GLI3: variants seen among roughly 807,000 people sequenced by gnomAD.
GLI3 encodes GLI family zinc finger 3.
A neutral mutation model predicts 100.8 loss-of-function variants in GLI3; 20 were observed. The observed-to-expected ratio is 0.20, with a 90% CI of 0.14 to 0.29. GLI3 has a LOEUF of 0.29. Ranked by LOEUF, GLI3 falls within the 10% of genes least tolerant of loss-of-function variation. GLI3 has a pLI of 1.00. For synonymous variants in GLI3, 938 were observed against 860.5 expected (o/e 1.09, Z -1.58); for missense variants, 2,040 against 2,128.5 (o/e 0.96, Z 0.82).
At chr7:42,004,976 G>T (rs1180159208) in intron 10 of GLI3, among the ~76,000 whole-genome samples, 2 of 152,058 alleles carry the variant, frequency 1.3e-5, no homozygotes, top group Non-Finnish European at 2.9e-5. Flanking sequence ...ACACAAAGAG[G>T]TTTATTATTT....
At chr7:42,185,145 C>G (rs965539998) in intron 2 of GLI3, among the ~76,000 whole-genome samples, 1 of 152,164 alleles carries the variant, frequency 6.6e-6, no homozygotes, top group African/African-American at 2.4e-5. Context: ...TACTGGGTCC[C>G]CTCCTCTACC....
rs561272539 is a variant in GLI3 at position 42,164,455 on chromosome 7, G to T, written c.125-15987C>A. Among the ~76,000 whole-genome samples the T allele has an allele frequency of 2.6e-5, 4 of 152,238 alleles. No homozygotes were observed. In the East Asian group the frequency reaches 7.7e-4, roughly 29 times the overall value. On this transcript the variant is annotated intron_variant, in intron 2 of 14. Transcript: ENST00000395925. ...AGCTCCTTGAGCCTAAGAGGCAGAG[G>T]TTGCAGTAAGCCAAGATCATGCCAC...
At chr7:42,224,241 T>C (rs1788543610) in intron 1 of GLI3, among the ~76,000 whole-genome samples, 1 of 152,246 alleles carries the variant, frequency 6.6e-6, no homozygotes, top group Admixed American at 6.5e-5. Context: ...GCAACATTCA[T>C]GGAAAGCATT....
chr7:42,050,917 C>G (rs1334237024), intron 4 of GLI3, among the ~76,000 whole-genome samples: 3 of 152,124 alleles, frequency 2.0e-5, no homozygotes, highest in African/African-American at 7.2e-5. Flanking sequence ...TAGAAAAACA[C>G]AAAAATTATA....
intron 2 of GLI3, among the ~76,000 whole-genome samples, chr7:42,187,901 G>A (rs777821054): frequency 6.6e-6 from 1 of 150,834 alleles, no homozygotes; most frequent in Non-Finnish European, 1.5e-5. Context: ...TACTCAGGAA[G>A]CTGAGGCAGG....
chr7:42,198,312 G>A (rs1787970913), intron 2 of GLI3, among the ~76,000 whole-genome samples: 1 of 152,210 alleles, frequency 6.6e-6, no homozygotes. Flanking sequence ...AATGTGACGG[G>A]AAGCCCTGGG....
rs149718150 is a variant in GLI3 at position 42,248,604 on chromosome 7, G to A, written c.-43+15390C>T. ...TTTCCCCTCTGCTGAGTTCTTCCTT[G>A]GCAGTCCCCCACAAGTTAAACAGGT... On this transcript the variant is annotated intron_variant, in intron 1 of 2. Coordinates refer to the GLI3 transcript ENST00000678978. 6.6e-3 allele frequency among the ~76,000 whole-genome samples: 1,000 copies of A among 152,162 alleles called. 7 individuals are homozygous for A. Among genetic ancestry groups the A allele is most frequent in the South Asian group, 0.023 (111 of 4,816 alleles).
chr7:42,236,970 C>A lies in GLI3; in HGVS notation c.-43+1G>T, dbSNP rs1437164368. On this transcript the variant is annotated splice_donor_variant, in intron 1 of 14. Coordinates refer to ENST00000395925, the MANE Select transcript of GLI3 (RefSeq NM_000168.6). LOFTEE classifies it low-confidence loss of function (5UTR_SPLICE). Reference sequence around the variant, plus strand: ...AACAAAGAACTTCGAGCGGGACGTACCTGCGGCGGCAGCGGCTGTCAAGTC... The same window carrying A: ...AACAAAGAACTTCGAGCGGGACGTAACTGCGGCGGCAGCGGCTGTCAAGTC... 1 of 151,860 alleles carries A rather than the reference C, an allele frequency of 6.6e-6. No individual in the cohort carries two copies. Among genetic ancestry groups the A allele is most frequent in the African/African-American group, 2.4e-5 (1 of 41,412 alleles). 9.4% of individuals were successfully genotyped at this position (151,860 alleles called of 1,614,324 possible).
chr7:42,181,241 T>G (rs1021363457), intron 2 of GLI3, among the ~76,000 whole-genome samples: 2 of 152,186 alleles, frequency 1.3e-5, no homozygotes, highest in Non-Finnish European at 2.9e-5. Flanking sequence ...TATTACTGCC[T>G]AACAAATGGA....
At chr7:42,235,182 G>T (rs1006846105) in intron 1 of GLI3, among the ~76,000 whole-genome samples, 1 of 152,178 alleles carries the variant, frequency 6.6e-6, no homozygotes, top group Non-Finnish European at 1.5e-5. Flanking sequence ...GAAACTGTCA[G>T]ACTACTATTA....
chr7:42,223,335 G>GT (rs1788524650), intron 1 of GLI3, 40 bp from the exon 2 acceptor site: 121 of 932,240 alleles, frequency 1.3e-4, no homozygotes, highest in East Asian at 3.2e-4. Flanking sequence ...CCAAAATGGT[G>GT]GAAAAAAAAA....
intron 4 of GLI3, among the ~76,000 whole-genome samples, chr7:42,053,829 A>G (rs1784399615): frequency 6.6e-6 from 1 of 152,228 alleles, no homozygotes; most frequent in Non-Finnish European, 1.5e-5. Context: ...TGTTGCAGCA[A>G]AAGAGTATAG....
chr7:42,238,100 C>T (rs1400484508), upstream of GLI3, among the ~76,000 whole-genome samples: 1 of 151,382 alleles, frequency 6.6e-6, no homozygotes, highest in African/African-American at 2.4e-5. Flanking sequence ...TCCTCTTCCC[C>T]CTACTTGACC....
At chr7:42,147,444 G>C (rs1418630159) in intron 3 of GLI3, among the ~76,000 whole-genome samples, 4 of 152,194 alleles carry the variant, frequency 2.6e-5, no homozygotes, top group African/African-American at 9.7e-5. Context: ...TCCTGGCAAG[G>C]TGATAAATCT....
intron 2 of GLI3, among the ~76,000 whole-genome samples, chr7:42,181,254 G>T (rs1258792759): frequency 6.6e-6 from 1 of 152,108 alleles, no homozygotes; most frequent in Admixed American, 6.5e-5. Context: ...CAAATGGAAG[G>T]TCCAGATACA....
In GLI3 at chr7:41,965,755, T is replaced by G. The variant is rs148780793; in HGVS notation, c.3318A>C (p.Ala1106=). The G allele has an allele frequency of 1.9e-5, 31 of 1,613,258 alleles. No homozygotes were observed. In the African/African-American group the frequency reaches 4.0e-4, roughly 21 times the overall value. Residue 1106 remains alanine (A), a synonymous_variant, in exon 15 of 15, where the codon GCA becomes GCC. Coordinates refer to ENST00000395925, the MANE Select transcript of GLI3 (RefSeq NM_000168.6). The part of the protein sequence containing the change: ...VVQYLNSQNQ[A]GYEQHFPSAL... ...CGCTGGGGAAGTGCTGCTCGTACCC[T>G]GCTTGGTTCTGGGAATTTAAATACT... is the stretch of plus-strand genomic sequence containing the variant.
chr7:41,975,869 A>C (rs1008857039), intron 12 of GLI3, among the ~76,000 whole-genome samples: 3 of 152,234 alleles, frequency 2.0e-5, no homozygotes, highest in African/African-American at 7.2e-5. Context: ...TTTCTAGTCA[A>C]AATTACACTT....
Position 41,965,233 on chromosome 7 carries a change from C to T in GLI3, c.3840G>A (p.Lys1280=). Residue 1280 remains lysine (K), a synonymous_variant, in exon 15 of 15, where the codon AAG becomes AAA. Transcript: ENST00000395925. ...GACGAGIQAS[K]LKSTPMQGSG... is the part of the protein sequence containing the mutation. The stretch of plus-strand genomic sequence containing the variant: ...TCCCTTGCATGGGGGTGCTCTTCAG[C>T]TTTGAGGCTTGAATCCCGGCACCAC... 6.2e-7 allele frequency: 1 copy of T among 1,613,896 alleles called. No individual in the cohort carries two copies. Among genetic ancestry groups the T allele is most frequent in the South Asian group, 1.1e-5 (1 of 91,072 alleles).
At chr7:41,977,491 C>T in intron 12 of GLI3, 67 bp downstream of exon 12, 1 of 1,520,216 alleles carries the variant, frequency 6.6e-7, no homozygotes. Flanking sequence ...TGCGCCTTCC[C>T]ATGTGCCTTC....
Sources: gnomAD v4.1 joint callset for allele counts (sites outside exome capture counted in the v4.1 genomes callset) on GRCh38, gnomAD v4.1.1 for gene constraint, MANE v1.5 for transcripts, NCBI Gene and HGNC (gene_info 2026-07-23, HGNC 2026-07-21) for gene names.